The following KCMF1 variants were observed in gnomAD, a reference collection of about 807,000 sequenced individuals.
KCMF1 encodes the protein E3 ubiquitin-protein ligase KCMF1.
In KCMF1, 3 loss-of-function variants were observed where a neutral mutation model predicts 41.1. The observed-to-expected ratio is 0.07, with a 90% CI of 0.03 to 0.19. The LOEUF (loss-of-function observed/expected upper bound fraction) is 0.19. Among genes scored for constraint, KCMF1 ranks in the 10% least tolerant of loss-of-function variants. KCMF1 has a pLI of 1.00. For missense variants in KCMF1, 286 were observed against 488.9 expected (o/e 0.58, Z 3.91); for synonymous variants, 142 against 164.5 (o/e 0.86, Z 1.04).
At chr2:84,993,216 AAAAAC>A (rs1009216162) in intron 1 of KCMF1, among the ~76,000 whole-genome samples, 36 of 152,008 alleles carry the variant, frequency 2.4e-4, no homozygotes, top group African/African-American at 7.7e-4. Flanking sequence ...GAAACAGGAA[AAAAAC>A]AAAACAAAAC....
chr2:84,981,839 C>T (rs931530843), intron 1 of KCMF1, among the ~76,000 whole-genome samples: 4 of 151,960 alleles, frequency 2.6e-5, no homozygotes, highest in East Asian at 3.9e-4. Flanking sequence ...AGTTCAGTAC[C>T]GCAGTATCAG....
At chr2:85,013,481 C>T (rs578047434) in intron 1 of KCMF1, among the ~76,000 whole-genome samples, 2 of 152,126 alleles carry the variant, frequency 1.3e-5, no homozygotes, top group Admixed American at 6.6e-5. Context: ...TTTCCTTTCC[C>T]TCAAACAGTT....
intron 2 of KCMF1, among the ~76,000 whole-genome samples, chr2:85,031,656 G>A (rs1250603862): frequency 1.3e-5 from 2 of 152,184 alleles, no homozygotes; most frequent in Non-Finnish European, 2.9e-5. Context: ...CTTAAAATAG[G>A]TTTATCAAGT....
rs751444721 is a variant in KCMF1, at chr2:85,056,444, C to T, written c.*3035C>T. On this transcript the variant is annotated 3_prime_UTR_variant, in exon 7 of 7. Coordinates refer to ENST00000409785, the MANE Select transcript of KCMF1 (RefSeq NM_020122.5). ...TAACAGGTTCAGAGTTCTCTTGATA[C>T]GTCCAAGCCTTAGTTTCCAGGAAAA... The T allele has an allele frequency of 2.0e-5, 3 of 152,112 alleles. No individual in the cohort carries two copies. The highest frequency in any genetic ancestry group is 4.4e-5 in the Non-Finnish European group (3 of 68,036). The allele number at this position is 152,112 out of a possible 1,614,324, so 9.4% of individuals were successfully genotyped here.
intron 1 of KCMF1, among the ~76,000 whole-genome samples, chr2:85,008,765 CTTTT>C (rs112609910): frequency 1.4e-5 from 2 of 139,084 alleles, no homozygotes; most frequent in Middle Eastern, 3.6e-3. Context: ...GACATGTACT[CTTTT>C]TTTTTTTTTT....
chr2:84,994,248 A>G (rs532849381), intron 1 of KCMF1, among the ~76,000 whole-genome samples: 1 of 152,182 alleles, frequency 6.6e-6, no homozygotes, highest in African/African-American at 2.4e-5. Context: ...GCGCCCGGCC[A>G]AGTATGAACA....
In KCMF1 at chr2:85,053,238, G is replaced by T. The variant is rs1675849895; in HGVS notation, c.975G>T (p.Leu325=). The change falls in exon 7 of 7, where the codon CTG becomes CTT. Residue 325 remains leucine, a synonymous_variant. Coordinates refer to ENST00000409785, the MANE Select transcript of KCMF1 (RefSeq NM_020122.5). ...GCCTGTTTGTCCAAGAGCTCCTTCT[G>T]TCCACTTTAGTGCGTGAAGAGAGCT... ...DRSLFVQELL[L]STLVREESSS... The T allele has an allele frequency of 6.2e-7, 1 of 1,614,028 alleles. No individual in the cohort carries two copies. Among genetic ancestry groups the T allele is most frequent in the Non-Finnish European group, 8.5e-7 (1 of 1,179,898 alleles).
At chr2:84,988,801 T>G (rs936595142) in intron 1 of KCMF1, among the ~76,000 whole-genome samples, 3 of 152,202 alleles carry the variant, frequency 2.0e-5, no homozygotes, top group African/African-American at 7.2e-5. Flanking sequence ...GCCATCTGAC[T>G]TTTTCTTTGG....
chr2:84,996,474 C>T (rs918164751), intron 1 of KCMF1, among the ~76,000 whole-genome samples: 20 of 126,626 alleles, frequency 1.6e-4, no homozygotes, highest in Non-Finnish European at 2.7e-4. Flanking sequence ...TTGGCTCTGT[C>T]ACCCAGGCTG....
In KCMF1 at chr2:85,053,256, A is replaced by G; in HGVS notation, c.993A>G (p.Glu331=). The change falls in exon 7 of 7, where the codon GAA becomes GAG. Residue 331 remains glutamate, a synonymous_variant. Transcript: ENST00000409785. ...TCCTTCTGTCCACTTTAGTGCGTGA[A>G]GAGAGCTCATCCTCAGATGAGGATG... ...QELLLSTLVR[E]ESSSSDEDDR... is the part of the protein sequence containing the mutation. 1.2e-6 allele frequency: 2 copies of G among 1,614,026 alleles called. No homozygotes were observed. The highest frequency in any genetic ancestry group is 1.7e-6 in the Non-Finnish European group (2 of 1,179,894).
chr2:85,003,807 A>T (rs2103993016), intron 1 of KCMF1, among the ~76,000 whole-genome samples: 1 of 152,258 alleles, frequency 6.6e-6, no homozygotes, highest in East Asian at 1.9e-4. Flanking sequence ...TTACAGGCCC[A>T]AGATAACTGG....
At chr2:85,027,564 G>A (rs1252878900) in intron 1 of KCMF1, among the ~76,000 whole-genome samples, 2 of 151,506 alleles carry the variant, frequency 1.3e-5, no homozygotes, top group East Asian at 1.9e-4. Context: ...TAGTAGAGAC[G>A]GGGTTTCAAC....
chr2:85,003,510 G>A (rs912483101), intron 1 of KCMF1, among the ~76,000 whole-genome samples: 6 of 151,604 alleles, frequency 4.0e-5, no homozygotes, highest in South Asian at 2.1e-4. Flanking sequence ...TTACATACCC[G>A]TTTGCCTCGC....
chr2:85,001,181 A>G (rs1674318099), intron 1 of KCMF1, among the ~76,000 whole-genome samples: 1 of 151,028 alleles, frequency 6.6e-6, no homozygotes, highest in South Asian at 2.1e-4. Context: ...TTTTTGAGAC[A>G]GGGTCTCTGT....
chr2:85,038,427 A>G (rs1263140443), intron 3 of KCMF1, among the ~76,000 whole-genome samples: 3 of 152,204 alleles, frequency 2.0e-5, no homozygotes. Context: ...CATAGCATAG[A>G]TCATCCACTA....
intron 1 of KCMF1, among the ~76,000 whole-genome samples, chr2:85,015,575 C>G (rs886278866): frequency 6.6e-6 from 1 of 151,140 alleles, no homozygotes; most frequent in Admixed American, 6.6e-5. Flanking sequence ...GCAAACCAAT[C>G]AGTTATTCCA....
At position 85,053,419 on chromosome 2, in the gene KCMF1, A is replaced by C; in HGVS notation, c.*10A>C. ...ACCACCTCCTCTTTGATGACATCCC[A>C]ATTCGCAGACAATGTCCTCTGTGCT... On this transcript the variant is annotated 3_prime_UTR_variant, in exon 7 of 7. Transcript: ENST00000409785. The C allele has an allele frequency of 6.2e-7, 1 of 1,608,472 alleles. No homozygotes were observed. The highest frequency in any genetic ancestry group is 8.5e-7 in the Non-Finnish European group (1 of 1,176,944).
intron 2 of KCMF1, among the ~76,000 whole-genome samples, chr2:85,032,089 A>AT (rs149925984): frequency 0.048 from 7,235 of 150,632 alleles, 345 homozygotes; most frequent in East Asian, 0.27. Context: ...CAAACAATTG[A>AT]TTTTTTTTTT....
chr2:85,008,263 C>CATATATAATATGATATATA (rs1558573264), intron 1 of KCMF1, among the ~76,000 whole-genome samples: 3 of 68,830 alleles, frequency 4.4e-5, no homozygotes, highest in South Asian at 4.0e-4. Flanking sequence ...TATTATATAT[C>CATATATAATATGATATATA]ATATATAATA....
Sources: allele counts gnomAD v4.1 joint callset (sites outside exome capture counted in the v4.1 genomes callset), GRCh38; gene constraint gnomAD v4.1.1; transcripts MANE v1.5; gene names NCBI Gene and HGNC (gene_info 2026-07-23, HGNC 2026-07-21).